KIDINS220: variants seen among roughly 807,000 people sequenced by gnomAD.
The protein encoded by KIDINS220 is kinase D interacting substrate 220.
A neutral mutation model predicts 157.6 loss-of-function variants in KIDINS220; 63 were observed. That is an observed-to-expected ratio of 0.40 (90% CI 0.33 to 0.49). KIDINS220 has a LOEUF of 0.49. Among genes scored for constraint, KIDINS220 ranks in the 20% least tolerant of loss-of-function variants. KIDINS220 has a pLI of 0.66. For missense variants in KIDINS220, 1,772 were observed against 2,171.2 expected (o/e 0.82, Z 3.65); for synonymous variants, 732 against 783.6 (o/e 0.93, Z 1.10).
intron 22 of KIDINS220, among the ~76,000 whole-genome samples, chr2:8,769,566 G>A (rs997168703): frequency 2.0e-5 from 3 of 152,132 alleles, no homozygotes; most frequent in Admixed American, 6.5e-5. Flanking sequence ...TATAACATGC[G>A]AAAAATAAAC....
chr2:8,762,464 A>G (rs6713127), intron 22 of KIDINS220, among the ~76,000 whole-genome samples: 134,378 of 152,260 alleles, frequency 0.88, 60,892 homozygotes, highest in South Asian at 0.99. Flanking sequence ...TTGGCTGGGC[A>G]CGGTGGCTCA....
At chr2:8,818,647 G>A in intron 3 of KIDINS220, 48 bp downstream of exon 3, 2 of 1,142,062 alleles carry the variant, frequency 1.8e-6, no homozygotes, top group Non-Finnish European at 2.6e-6. Flanking sequence ...CAAAAAAATA[G>A]CTAAGAAAAA....
chr2:8,728,459 G>A (rs1341667672), downstream of KIDINS220, among the ~76,000 whole-genome samples: 3 of 152,204 alleles, frequency 2.0e-5, no homozygotes, highest in African/African-American at 7.2e-5. Context: ...GCAGAGTTTT[G>A]CATGTGTGAG....
chr2:8,733,396 CG>C (rs774551680), intron 29 of KIDINS220, 47 bp downstream of exon 29: 1 of 1,442,902 alleles, frequency 6.9e-7, no homozygotes, highest in Non-Finnish European at 9.7e-7. Flanking sequence ...GTGAACTGAA[CG>C]GTGTGCTTAT....
At chr2:8,821,947 T>C (rs566210498) in intron 2 of KIDINS220, among the ~76,000 whole-genome samples, 38 of 152,312 alleles carry the variant, frequency 2.5e-4, no homozygotes, top group African/African-American at 8.7e-4. Flanking sequence ...ATCCTTTCCA[T>C]ACCTGACCCC....
chr2:8,777,258 A>G (rs1477362061), intron 20 of KIDINS220, among the ~76,000 whole-genome samples: 2 of 152,188 alleles, frequency 1.3e-5, no homozygotes, highest in African/African-American at 4.8e-5. Context: ...AATAAAGCAA[A>G]TAAGCCCTTG....
intron 22 of KIDINS220, among the ~76,000 whole-genome samples, chr2:8,752,115 A>G (rs1667446246): frequency 2.0e-5 from 3 of 151,970 alleles, no homozygotes; most frequent in East Asian, 1.9e-4. Flanking sequence ...CTGCCTCCCA[A>G]CTCAAGCTTT....
intron 6 of KIDINS220, among the ~76,000 whole-genome samples, chr2:8,807,310 C>T (rs1272925707): frequency 6.6e-6 from 1 of 152,132 alleles, no homozygotes; most frequent in Non-Finnish European, 1.5e-5. Context: ...GGGAGGCTAG[C>T]GATCAGCAGA....
chr2:8,743,836 A>C (rs1456908310), intron 26 of KIDINS220, among the ~76,000 whole-genome samples: 1 of 152,148 alleles, frequency 6.6e-6, no homozygotes, highest in Non-Finnish European at 1.5e-5. Flanking sequence ...TTAAGAGTTC[A>C]TTTCTAAAAG....
At chr2:8,797,544 T>C (rs1674142768) in intron 10 of KIDINS220, among the ~76,000 whole-genome samples, 1 of 152,188 alleles carries the variant, frequency 6.6e-6, no homozygotes, top group South Asian at 2.1e-4. Context: ...GTACTGGAAG[T>C]ACCATCACTG....
rs1317305432 is a variant in KIDINS220, at chr2:8,796,827, T to C, written c.1042A>G (p.Ile348Val). 1 of 1,614,204 alleles carries C rather than the reference T, an allele frequency of 6.2e-7. No homozygotes were observed. The highest frequency in any genetic ancestry group is 1.1e-5 in the South Asian group (1 of 91,074). ...TCTAGCAGCAGCTCCACCACTTCAATGTTTCTCATCTTGGTAGCCTTTATA... is the reference window on the plus strand; with the variant it reads ...TCTAGCAGCAGCTCCACCACTTCAACGTTTCTCATCTTGGTAGCCTTTATA... ...PLIKATKMRN[I>V]EVVELLLDKG... The change falls in exon 11 of 30, where the codon ATT becomes GTT. Residue 348 changes from isoleucine to valine, a missense_variant. Physicochemically the swap from Ile to Val is conservative, Grantham distance 29. Coordinates refer to ENST00000256707, the MANE Select transcript of KIDINS220 (RefSeq NM_020738.4).
At chr2:8,813,829 C>A (rs984417203) in intron 4 of KIDINS220, among the ~76,000 whole-genome samples, 1 of 152,096 alleles carries the variant, frequency 6.6e-6, no homozygotes, top group Non-Finnish European at 1.5e-5. Flanking sequence ...GAGGCTGAGG[C>A]AGGAGAACCA....
rs1181722228 is a variant in KIDINS220 at position 8,837,554 on chromosome 2, GACTGCAAGCGCGTCGCCCTC to G, written c.-131_-112del. On this transcript the variant is annotated 5_prime_UTR_variant, in exon 1 of 30. An upstream open reading frame in the 5' UTR loses its in-frame stop. Transcript: ENST00000256707. ...AGAGGACGGGGAAGCAAGAGACGGC[GACTGCAAGCGCGTCGCCCTC>G]ACCACACCCGGCGGCCATATTCTTC... is the stretch of plus-strand genomic sequence containing the variant. 1 of 152,286 alleles carries G rather than the reference GACTGCAAGCGCGTCGCCCTC, an allele frequency of 6.6e-6. No homozygotes were observed. The highest frequency in any genetic ancestry group is 2.4e-5 in the African/African-American group (1 of 41,452). 9.4% of individuals were successfully genotyped at this position (152,286 alleles called of 1,614,324 possible). A position where few individuals can be genotyped will look rare whatever the true frequency, so the allele number is the denominator to read the frequency against.
intron 20 of KIDINS220, 117 bp from the exon 21 acceptor site, chr2:8,777,009 G>C (rs567041230): frequency 1.1e-4 from 122 of 1,070,006 alleles, no homozygotes; most frequent in Non-Finnish European, 1.6e-4. Flanking sequence ...TTTAGTCAAA[G>C]AGGAATATCA....
chr2:8,726,621 A>G (rs1465185565), downstream of KIDINS220, among the ~76,000 whole-genome samples: 1 of 152,180 alleles, frequency 6.6e-6, no homozygotes, highest in East Asian at 1.9e-4. Flanking sequence ...GCACACTTAA[A>G]CAGACCTAGA....
chr2:8,796,733 G>A (rs1307737198), intron 11 of KIDINS220, 38 bp downstream of exon 11: 1 of 1,508,618 alleles, frequency 6.6e-7, no homozygotes, highest in Non-Finnish European at 9.2e-7. Flanking sequence ...TCGACCAACA[G>A]CTTTCCATAC....
downstream of KIDINS220, among the ~76,000 whole-genome samples, chr2:8,727,821 A>G (rs182887702): frequency 2.0e-5 from 3 of 152,346 alleles, no homozygotes; most frequent in Non-Finnish European, 4.4e-5. Context: ...GGTTATTATG[A>G]ATGCTTAAAT....
chr2:8,762,465 C>T (rs1182862631), intron 22 of KIDINS220, among the ~76,000 whole-genome samples: 1 of 151,954 alleles, frequency 6.6e-6, no homozygotes, highest in East Asian at 1.9e-4. Context: ...TGGCTGGGCA[C>T]GGTGGCTCAT....
chr2:8,752,170 C>T (rs1291166793), intron 22 of KIDINS220, among the ~76,000 whole-genome samples: 1 of 152,066 alleles, frequency 6.6e-6, no homozygotes, highest in Non-Finnish European at 1.5e-5. Context: ...CAGGCTCATG[C>T]CACCATGCCT....
Sources: allele counts gnomAD v4.1 joint callset (sites outside exome capture counted in the v4.1 genomes callset), GRCh38; gene constraint gnomAD v4.1.1; transcripts MANE v1.5; gene names NCBI Gene and HGNC (gene_info 2026-07-23, HGNC 2026-07-21).